SLIT2: variants seen among roughly 807,000 people sequenced by gnomAD.
SLIT2 encodes slit guidance ligand 2.
A neutral mutation model predicts 185.7 loss-of-function variants in SLIT2; 41 were observed. The observed-to-expected ratio is 0.22, with a 90% CI of 0.17 to 0.29. The LOEUF (loss-of-function observed/expected upper bound fraction) is 0.29, where lower values mean the gene tolerates loss of function less well. Ranked by LOEUF, SLIT2 falls within the 10% of genes least tolerant of loss-of-function variation. The pLI is 1.00. For missense variants in SLIT2, 1,571 were observed against 1,909.0 expected, an observed-to-expected ratio of 0.82 and a Z score of 3.30; for synonymous variants, 693 against 680.2, an observed-to-expected ratio of 1.02 and a Z score of -0.29.
At chr4:20,542,393 A>T in intron 20 of SLIT2, 101 bp from the exon 21 acceptor site, 2 of 1,102,784 alleles carry the variant, frequency 1.8e-6, no homozygotes, top group African/African-American at 1.6e-5. Context: ...TATGTAGCTT[A>T]AGACTCTTGT....
chr4:20,388,791 AAAT>A (rs1294775087), intron 4 of SLIT2, among the ~76,000 whole-genome samples: 1 of 133,876 alleles, frequency 7.5e-6, no homozygotes, highest in Non-Finnish European at 1.6e-5. Flanking sequence ...AAAAAAAAAA[AAAT>A]ATATATATAT....
chr4:20,473,046 A>T (rs1224863942), intron 5 of SLIT2, among the ~76,000 whole-genome samples: 3 of 152,022 alleles, frequency 2.0e-5, no homozygotes, highest in African/African-American at 7.2e-5. Context: ...GTTCAATATG[A>T]TTACTTAAAT....
chr4:20,367,776 A>G (rs1040012149), intron 4 of SLIT2, among the ~76,000 whole-genome samples: 13 of 152,010 alleles, frequency 8.6e-5, no homozygotes, highest in Non-Finnish European at 2.9e-5. Context: ...ATGGGCTTTG[A>G]GGATGGTTGC....
intron 11 of SLIT2, 82 bp from the exon 12 acceptor site, chr4:20,519,300 T>G: frequency 1.4e-6 from 1 of 731,702 alleles, no homozygotes; most frequent in South Asian, 1.5e-5. Flanking sequence ...TAGCTTCCTG[T>G]ATGCCTGAGT....
chr4:20,602,573 C>T (rs1206171375), intron 33 of SLIT2, among the ~76,000 whole-genome samples: 2 of 152,140 alleles, frequency 1.3e-5, no homozygotes, highest in Non-Finnish European at 1.5e-5. Flanking sequence ...TGTTAAAATA[C>T]AGGCGTTGGG....
At chr4:20,308,234 G>T (rs928192247) in intron 4 of SLIT2, among the ~76,000 whole-genome samples, 2 of 152,100 alleles carry the variant, frequency 1.3e-5, no homozygotes, top group South Asian at 4.1e-4. Flanking sequence ...ATTCAGAAAC[G>T]GGATGTCATA....
intron 26 of SLIT2, among the ~76,000 whole-genome samples, chr4:20,562,557 C>T (rs1010971232): frequency 1.3e-5 from 2 of 151,786 alleles, no homozygotes; most frequent in Non-Finnish European, 2.9e-5. Context: ...TCCTGCTAAA[C>T]TGTAAGTTTT....
chr4:20,309,980 C>T (rs1717941456), intron 4 of SLIT2, among the ~76,000 whole-genome samples: 1 of 151,992 alleles, frequency 6.6e-6, no homozygotes, highest in African/African-American at 2.4e-5. Flanking sequence ...CCAGGATGAT[C>T]TGGATCTCCT....
chr4:20,348,491 C>T (rs370634182), intron 4 of SLIT2, among the ~76,000 whole-genome samples: 11 of 151,986 alleles, frequency 7.2e-5, no homozygotes, highest in East Asian at 5.8e-4. Context: ...TCAGGCAATC[C>T]GCCTGCCTTG....
intron 4 of SLIT2, among the ~76,000 whole-genome samples, chr4:20,386,198 A>G (rs1046422806): frequency 5.9e-5 from 9 of 152,190 alleles, no homozygotes; most frequent in African/African-American, 1.7e-4. Context: ...ATTAAGCTGA[A>G]TGATCTGATT....
chr4:20,464,382 T>C (rs1714111248), intron 4 of SLIT2, among the ~76,000 whole-genome samples: 1 of 152,170 alleles, frequency 6.6e-6, no homozygotes, highest in African/African-American at 2.4e-5. Flanking sequence ...CCAGTTGGTA[T>C]GAAAAAATCT....
At chr4:20,602,209 A>G (rs2148967246) in intron 33 of SLIT2, among the ~76,000 whole-genome samples, 1 of 152,304 alleles carries the variant, frequency 6.6e-6, no homozygotes, top group Non-Finnish European at 1.5e-5. Flanking sequence ...AATCTAGATA[A>G]GGGGAAACAT....
chr4:20,617,472 G>A lies in SLIT2; in HGVS notation c.4170G>A (p.Ala1390=), dbSNP rs61746361. 1,035 of 1,614,036 alleles carry A rather than the reference G, an allele frequency of 6.4e-4. 6 individuals are homozygous for A. In the African/African-American group the frequency reaches 0.012, roughly 18 times the overall value. The change falls in exon 36 of 37, where the codon GCG becomes GCA. Residue 1390 remains alanine (A), a synonymous_variant. Transcript: ENST00000504154. ...ATGGCACCTGCTTGCCCATCAATGC[G>A]TTCTCCTACAGCTGTAAGTGCTTGG... ...CVHGTCLPIN[A]FSYSCKCLEG... is the part of the protein sequence containing the mutation.
At chr4:20,544,329 A>G in intron 21 of SLIT2, among the ~76,000 whole-genome samples, 1 of 152,288 alleles carries the variant, frequency 6.6e-6, no homozygotes, top group South Asian at 2.1e-4. Context: ...TAACTGGACT[A>G]TGTATTGGTC....
At chr4:20,494,965 G>A (rs929481708) in intron 9 of SLIT2, among the ~76,000 whole-genome samples, 2 of 152,064 alleles carry the variant, frequency 1.3e-5, no homozygotes, top group Non-Finnish European at 2.9e-5. Context: ...AAAAACAGCA[G>A]AGGGCTCTAA....
chr4:20,518,896 G>A (rs1339712358), intron 11 of SLIT2, among the ~76,000 whole-genome samples: 5 of 151,470 alleles, frequency 3.3e-5, no homozygotes, highest in South Asian at 2.1e-4. Flanking sequence ...GTGAGCCACC[G>A]CGCCCGGCCA....
chr4:20,480,543 G>T (rs543344139), intron 5 of SLIT2, among the ~76,000 whole-genome samples, 173 bp from the exon 6 acceptor site: 3 of 152,260 alleles, frequency 2.0e-5, no homozygotes, highest in Non-Finnish European at 4.4e-5. Flanking sequence ...AAAGATTTCA[G>T]TGGCGGCATA....
chr4:20,534,704 T>C (rs1384589122), intron 18 of SLIT2, among the ~76,000 whole-genome samples: 4 of 152,120 alleles, frequency 2.6e-5, no homozygotes, highest in African/African-American at 7.2e-5. Context: ...CCGCACAGCC[T>C]GTGAGAGCCA....
chr4:20,339,303 C>G (rs551283837), intron 4 of SLIT2, among the ~76,000 whole-genome samples: 1 of 151,970 alleles, frequency 6.6e-6, no homozygotes, highest in South Asian at 2.1e-4. Context: ...CAGTGGTCTA[C>G]TTGGTCACAT....
Sources: allele counts gnomAD v4.1 joint callset (sites outside exome capture counted in the v4.1 genomes callset), GRCh38; gene constraint gnomAD v4.1.1; transcripts MANE v1.5; gene names NCBI Gene and HGNC (gene_info 2026-07-23, HGNC 2026-07-21).